MED12L: variants seen among roughly 807,000 people sequenced by gnomAD.
The protein encoded by MED12L is mediator complex subunit 12L, also known as mediator of RNA polymerase II transcription subunit 12-like protein.
A neutral mutation model predicts 281.3 loss-of-function variants in MED12L; 60 were observed. The ratio of observed to expected loss-of-function variants is 0.21; its 90% confidence interval spans 0.17 to 0.26. MED12L has a LOEUF of 0.26. Among genes scored for constraint, MED12L ranks in the 10% least tolerant of loss-of-function variants. The pLI is 1.00. For synonymous variants in MED12L, 974 were observed against 987.2 expected, an observed-to-expected ratio of 0.99 and a Z score of 0.25; for missense variants, 2,146 against 2,680.9, an observed-to-expected ratio of 0.80 and a Z score of 4.41.
At chr3:151,171,628 A>C (rs1457263068) in intron 11 of MED12L, among the ~76,000 whole-genome samples, 2 of 152,214 alleles carry the variant, frequency 1.3e-5, no homozygotes, top group Non-Finnish European at 2.9e-5. Context: ...TTATGCTTAG[A>C]CTATTCGTGC....
chr3:151,234,105 G>A (rs1732259563), intron 16 of MED12L, among the ~76,000 whole-genome samples: 1 of 152,234 alleles, frequency 6.6e-6, no homozygotes, highest in African/African-American at 2.4e-5. Flanking sequence ...AACTCCTGCA[G>A]ATGCATGCCA....
chr3:151,191,945 G>A (rs555627674), intron 14 of MED12L, among the ~76,000 whole-genome samples: 2 of 152,032 alleles, frequency 1.3e-5, no homozygotes, highest in Non-Finnish European at 2.9e-5. Context: ...TCACAGTTTA[G>A]GCATATACCA....
At chr3:151,395,267 G>T (rs559782418) in intron 39 of MED12L, among the ~76,000 whole-genome samples, 1 of 152,184 alleles carries the variant, frequency 6.6e-6, no homozygotes, top group South Asian at 2.1e-4. Context: ...ATTACTGTGA[G>T]GTTATGTCTC....
intron 16 of MED12L, among the ~76,000 whole-genome samples, chr3:151,282,269 A>G (rs922152095): frequency 3.3e-5 from 5 of 152,048 alleles, no homozygotes; most frequent in Non-Finnish European, 5.9e-5. Flanking sequence ...GTACCTATTG[A>G]TGGATTTTCA....
At chr3:151,372,538 G>A (rs1560092620) in intron 26 of MED12L, 29 bp from the exon 27 acceptor site, 1 of 1,574,386 alleles carries the variant, frequency 6.4e-7, no homozygotes, top group Non-Finnish European at 8.7e-7. Flanking sequence ...GAACTTCTGT[G>A]ATTTTGCTTT....
chr3:151,256,959 CAT>C (rs1483725481), intron 16 of MED12L, among the ~76,000 whole-genome samples: 1 of 151,564 alleles, frequency 6.6e-6, no homozygotes, highest in East Asian at 1.9e-4. Context: ...ATCAAGTCCA[CAT>C]ATGAAGTATG....
At chr3:151,409,501 G>GA (rs1184511157) in intron 40 of MED12L, among the ~76,000 whole-genome samples, 169 bp downstream of exon 40, 3 of 152,208 alleles carry the variant, frequency 2.0e-5, no homozygotes, top group African/African-American at 7.2e-5. Context: ...CAGGATTGTT[G>GA]AAGTCTTAGG....
rs751863465 is a variant in MED12L, at chr3:151,390,143, A to T, written c.5608+8A>T. ...ACCAATCTCTTACTCCAGGTATGTG[A>T]TGAGAAAGCACAGATCACTCAGAGA... On this transcript the variant is annotated splice_region_variant and intron_variant, in intron 38 of 44. Coordinates refer to ENST00000687756, the MANE Select transcript of MED12L (RefSeq NM_001393769.1). 5.0e-6 allele frequency: 8 copies of T among 1,613,868 alleles called. No homozygotes were observed. The highest frequency in any genetic ancestry group is 6.8e-6 in the Non-Finnish European group (8 of 1,179,808).
intron 16 of MED12L, among the ~76,000 whole-genome samples, chr3:151,332,590 C>G (rs1750472958): frequency 6.6e-6 from 1 of 152,092 alleles, no homozygotes; most frequent in Non-Finnish European, 1.5e-5. Context: ...ATATTTCACA[C>G]TATGTTTAAA....
At chr3:151,355,052 A>C in intron 17 of MED12L, 69 bp from the exon 18 acceptor site, 4 of 1,112,718 alleles carry the variant, frequency 3.6e-6, no homozygotes, top group Non-Finnish European at 5.4e-6. Context: ...TTTAAAAAAA[A>C]GTATCCATTA....
At chr3:151,308,612 A>G (rs74524519) in intron 16 of MED12L, among the ~76,000 whole-genome samples, 2,114 of 152,324 alleles carry the variant, frequency 0.014, 43 homozygotes, top group African/African-American at 0.048. Context: ...AAGATGCAGA[A>G]TGCTTTTCAC....
intron 16 of MED12L, among the ~76,000 whole-genome samples, chr3:151,241,633 C>CACATATAT (rs983318395): frequency 2.6e-5 from 4 of 152,126 alleles, no homozygotes; most frequent in Non-Finnish European, 5.9e-5. Context: ...TGTATATACA[C>CACATATAT]ACACAGTAGG....
At chr3:151,328,292 C>T (rs1749896862) in intron 16 of MED12L, 1 of 1,613,770 alleles carries the variant, frequency 6.2e-7, no homozygotes, top group African/African-American at 1.3e-5. Flanking sequence ...AAATACTTTG[C>T]CTTCCAGCTT....
chr3:151,395,010 G>T, intron 39 of MED12L, 143 bp downstream of exon 39: 2 of 1,079,938 alleles, frequency 1.9e-6, no homozygotes, highest in Non-Finnish European at 1.3e-6. Context: ...TCTGTTACAG[G>T]CTTGTAAATA....
intron 16 of MED12L, among the ~76,000 whole-genome samples, chr3:151,205,680 G>A (rs1323790404): frequency 6.6e-6 from 1 of 152,060 alleles, no homozygotes; most frequent in Non-Finnish European, 1.5e-5. Flanking sequence ...CTTACAGATG[G>A]GGAAACTGTG....
At chr3:151,310,085 G>T (rs1747294943) in intron 16 of MED12L, among the ~76,000 whole-genome samples, 1 of 152,178 alleles carries the variant, frequency 6.6e-6, no homozygotes, top group Non-Finnish European at 1.5e-5. Flanking sequence ...TCACTGTAAA[G>T]TTGGGGGAGC....
At chr3:151,145,169 G>A (rs909329570) in intron 5 of MED12L, among the ~76,000 whole-genome samples, 2 of 152,222 alleles carry the variant, frequency 1.3e-5, no homozygotes, top group Non-Finnish European at 2.9e-5. Context: ...AAGCTGGTAA[G>A]TGATTGGAGC....
chr3:151,101,563 G>A (rs1721396074), intron 2 of MED12L, among the ~76,000 whole-genome samples: 1 of 152,144 alleles, frequency 6.6e-6, no homozygotes. Flanking sequence ...ACTGGCTGAT[G>A]TAGGGTCTTG....
rs1217091109 is a variant in MED12L, at chr3:151,379,207, T to A, written c.4479-906T>A. ...GCATAATTCTAATTTTCAAATCATA[T>A]TTGCTGATAGGTGAGTGTATGTGCA... On this transcript the variant is annotated intron_variant, in intron 31 of 44. Coordinates refer to ENST00000687756, the MANE Select transcript of MED12L (RefSeq NM_001393769.1). 2.6e-5 allele frequency among the ~76,000 whole-genome samples: 4 copies of A among 152,318 alleles called. No individual in the cohort carries two copies. The South Asian group carries it at 8.3e-4, about 32-fold the overall frequency.
Sources: gnomAD v4.1 joint callset for allele counts (sites outside exome capture counted in the v4.1 genomes callset) on GRCh38, gnomAD v4.1.1 for gene constraint, MANE v1.5 for transcripts, NCBI Gene and HGNC (gene_info 2026-07-23, HGNC 2026-07-21) for gene names.